Variants in WDR46 observed in about 807,000 individuals in gnomAD.
WDR46 encodes the protein WD repeat-containing protein 46.
WDR46 carries 58 observed loss-of-function variants against 74.7 expected under a neutral mutation model. The observed-to-expected ratio is 0.78, with a 90% CI of 0.63 to 0.97. The LOEUF (loss-of-function observed/expected upper bound fraction) is 0.97. Ranked by LOEUF, WDR46 falls within the 50% of genes least tolerant of loss-of-function variation. The probability of loss-of-function intolerance (pLI) is 0.00; values close to 1 mark genes in which losing one functional copy is unlikely to be tolerated. For missense variants in WDR46, 702 were observed against 790.1 expected (o/e 0.89, Z 1.34); for synonymous variants, 278 against 297.3 (o/e 0.93, Z 0.67).
intron 13 of WDR46, 71 bp from the exon 14 acceptor site, chr6:33,279,681 G>A (rs1267201648): frequency 6.2e-7 from 1 of 1,611,896 alleles, no homozygotes; most frequent in Non-Finnish European, 8.5e-7. Flanking sequence ...CCACCTGCTG[G>A]CCGCACTTCT....
At chr6:33,285,350 G>A (rs1435693998) in intron 10 of WDR46, among the ~76,000 whole-genome samples, 2 of 151,854 alleles carry the variant, frequency 1.3e-5, no homozygotes, top group East Asian at 3.9e-4. Context: ...CTACAGGCAT[G>A]CACCACCACA....
In WDR46 at chr6:33,280,967, A is replaced by G; in HGVS notation, c.1136T>C (p.Leu379Pro). 1 of 1,608,968 alleles carries G rather than the reference A, an allele frequency of 6.2e-7. No homozygotes were observed. The highest frequency in any genetic ancestry group is 1.1e-5 in the South Asian group (1 of 90,744). The change falls in exon 11 of 15, where the codon CTA becomes CCA. Residue 379 changes from leucine to proline, a missense_variant. Physicochemically the swap from Leu to Pro is moderately conservative, Grantham distance 98. Transcript: ENST00000374617. ...STGTYMATSG[L>P]DHQLKIFDLR... ...GTCAAAGATCTTCAGCTGGTGGTCT[A>G]GGCCAGAGGTGGCCATGTACCTGGT...
At chr6:33,283,540 C>A (rs1441982210) in intron 10 of WDR46, among the ~76,000 whole-genome samples, 1 of 152,140 alleles carries the variant, frequency 6.6e-6, no homozygotes, top group Non-Finnish European at 1.5e-5. Flanking sequence ...CTTTAGGAGG[C>A]GGTGACCTAT....
At position 33,287,098 on chromosome 6, in the gene WDR46, G is replaced by A. The variant is rs529857192; in HGVS notation, c.1008C>T (p.His336=). 1 of 1,613,802 alleles carries A rather than the reference G, an allele frequency of 6.2e-7. No individual in the cohort carries two copies. Among genetic ancestry groups the A allele is most frequent in the African/African-American group, 1.3e-5 (1 of 75,006 alleles). ...NPYNAVIHLG[H]SNGTVSLWSP... is the part of the protein sequence containing the mutation. ...ACTAAGCCAGGTACTGACCATTGCTGTGTCCGAGATGGATGACGGCATTGT... is the reference window on the plus strand; with the variant it reads ...ACTAAGCCAGGTACTGACCATTGCTATGTCCGAGATGGATGACGGCATTGT... Residue 336 remains histidine (H), a synonymous_variant, in exon 9 of 15, where the codon CAC becomes CAT. Transcript: ENST00000374617.
Position 33,287,987 on chromosome 6 carries a change from G to A in WDR46, c.601C>T (p.Leu201=). The change falls in exon 6 of 15, where the codon CTA becomes TTA. Residue 201 remains leucine (L), a synonymous_variant. Coordinates refer to ENST00000374617, the MANE Select transcript of WDR46 (RefSeq NM_005452.6). ...TACCTTCCAGTTCGAGAGTAGTTTA[G>A]TCTGTAGGGTCCAAACTGCCGCAGA... ...LNLRQFGPYR[L]NYSRTGRHLA... is the part of the protein sequence containing the mutation. 1 of 1,614,186 alleles carries A rather than the reference G, an allele frequency of 6.2e-7. No individual in the cohort carries two copies. Among genetic ancestry groups the A allele is most frequent in the Non-Finnish European group, 8.5e-7 (1 of 1,180,038 alleles).
chr6:33,283,006 C>G (rs1766314543), intron 10 of WDR46, among the ~76,000 whole-genome samples: 1 of 152,172 alleles, frequency 6.6e-6, no homozygotes, highest in Non-Finnish European at 1.5e-5. Context: ...GTCAGGAGTT[C>G]AAGACCAGCC....
intron 10 of WDR46, 67 bp downstream of exon 10, chr6:33,286,728 G>A: frequency 1.3e-6 from 2 of 1,492,982 alleles, no homozygotes; most frequent in Non-Finnish European, 9.3e-7. Context: ...TGCTCCTAAA[G>A]CACACTGCCT....
chr6:33,287,609 C>T lies in WDR46; in HGVS notation c.728+5G>A. On this transcript the variant is annotated splice_donor_5th_base_variant and intron_variant, in intron 7 of 14. Transcript: ENST00000374617. The stretch of plus-strand genomic sequence containing the variant: ...CAACTGACCGCTGACAGTGAGGCCA[C>T]TGACCGGATGTCCCGCACCGCCTCC... 24 of 1,613,992 alleles carry T rather than the reference C, an allele frequency of 1.5e-5. No individual in the cohort carries two copies. Among genetic ancestry groups the T allele is most frequent in the Non-Finnish European group, 2.0e-5 (24 of 1,180,018 alleles).
chr6:33,287,171 G>A lies in WDR46; in HGVS notation c.935C>T (p.Ala312Val). The change falls in exon 9 of 15, where the codon GCT (alanine) becomes GTT (valine). Residue 312 changes from alanine (A) to valine (V), a missense_variant. By Grantham distance (64) the Ala-to-Val change is moderately conservative. Coordinates refer to ENST00000374617, the MANE Select transcript of WDR46 (RefSeq NM_005452.6). ...LDVSVGKIVAALNARAGRLDV... is the reference protein window; with the variant it reads ...LDVSVGKIVAVLNARAGRLDV... ...GAGCCGCCCAGCTCGAGCATTCAGA[G>A]CTGCCACAATCTTCCCCACTGACAC... 6.2e-7 allele frequency: 1 copy of A among 1,613,850 alleles called. No individual in the cohort carries two copies. The highest frequency in any genetic ancestry group is 8.5e-7 in the Non-Finnish European group (1 of 1,179,994).
chr6:33,287,024 A>G (rs374221252), intron 9 of WDR46, 67 bp downstream of exon 9: 196 of 1,592,146 alleles, frequency 1.2e-4, no homozygotes, highest in Non-Finnish European at 1.6e-4. Context: ...TAAGGGACTC[A>G]TGAAGTACAA....
chr6:33,287,184 T>C lies in WDR46; in HGVS notation c.922A>G (p.Lys308Glu), dbSNP rs369368650. The C allele has an allele frequency of 1.9e-6, 3 of 1,613,566 alleles. No homozygotes were observed. Among genetic ancestry groups the C allele is most frequent in the Non-Finnish European group, 2.5e-6 (3 of 1,179,938 alleles). ...CGAGCATTCAGAGCTGCCACAATCT[T>C]CCCCACTGACACATCCAGGTAGGTT... ...FLTYLDVSVGKIVAALNARAG... is the reference protein window; with the variant it reads ...FLTYLDVSVGEIVAALNARAG... Residue 308 changes from lysine to glutamate, a missense_variant, in exon 9 of 15, where the codon AAG becomes GAG. Coordinates refer to ENST00000374617, the MANE Select transcript of WDR46 (RefSeq NM_005452.6).
Position 33,289,198 on chromosome 6 carries a change from G to A in WDR46, c.-28C>T, listed in dbSNP as rs779585846. 1 of 1,601,610 alleles carries A rather than the reference G, an allele frequency of 6.2e-7. No homozygotes were observed. Among genetic ancestry groups the A allele is most frequent in the South Asian group, 1.1e-5 (1 of 90,074 alleles). On this transcript the variant is annotated 5_prime_UTR_variant, in exon 1 of 15. Coordinates refer to ENST00000374617, the MANE Select transcript of WDR46 (RefSeq NM_005452.6). ...CGCCCACCCGAACGGCGATCCACGTGCAAAACTCCTCTCAGCTGCCACACA... is the reference window on the plus strand; with the variant it reads ...CGCCCACCCGAACGGCGATCCACGTACAAAACTCCTCTCAGCTGCCACACA...
Position 33,287,096 on chromosome 6 carries a change from C to T in WDR46, c.1010G>A (p.Ser337Asn). The change falls in exon 9 of 15, where the codon AGC becomes AAC. Residue 337 changes from serine to asparagine, a missense_variant. Coordinates refer to ENST00000374617, the MANE Select transcript of WDR46 (RefSeq NM_005452.6). ...AAACTAAGCCAGGTACTGACCATTG[C>T]TGTGTCCGAGATGGATGACGGCATT... ...PYNAVIHLGH[S>N]NGTVSLWSPA... The T allele has an allele frequency of 6.2e-7, 1 of 1,613,608 alleles. No homozygotes were observed. The highest frequency in any genetic ancestry group is 1.1e-5 in the South Asian group (1 of 91,006).
intron 10 of WDR46, among the ~76,000 whole-genome samples, chr6:33,286,513 T>G (rs1174165986): frequency 6.6e-6 from 1 of 152,170 alleles, no homozygotes; most frequent in Non-Finnish European, 1.5e-5. Flanking sequence ...CCCTTTGATT[T>G]TACCTCTTAT....
Position 33,288,902 on chromosome 6 carries a change from C to G in WDR46, c.181G>C (p.Ala61Pro). ...ATCCGAGACTTCTTTAAGATGTAAG[C>G]ATTTTTTGGTCTCTGAGGACGGAGC... ...RELRPQRPKNAYILKKSRISK... is the reference protein window; with the variant it reads ...RELRPQRPKNPYILKKSRISK... The change falls in exon 2 of 15, where the codon GCT becomes CCT. Residue 61 changes from alanine to proline, a missense_variant. By Grantham distance (27) the Ala-to-Pro change is conservative. Transcript: ENST00000374617. The G allele has an allele frequency of 2.5e-6, 4 of 1,614,126 alleles. No individual in the cohort carries two copies. The South Asian group carries it at 4.4e-5, about 18-fold the overall frequency.
At chr6:33,284,854 T>C (rs751391877) in intron 10 of WDR46, 4 of 153,462 alleles carry the variant, frequency 2.6e-5, no homozygotes, top group Non-Finnish European at 5.9e-5. Flanking sequence ...TACTTAATAC[T>C]GTGGCTGCTT....
At chr6:33,286,957 G>A (rs772814628) in intron 9 of WDR46, 63 bp from the exon 10 acceptor site, 2 of 1,597,748 alleles carry the variant, frequency 1.3e-6, no homozygotes, top group Non-Finnish European at 1.7e-6. Flanking sequence ...CTAAACATGG[G>A]AAAGATGGGA....
At chr6:33,280,551 C>T (rs370932894) in intron 11 of WDR46, 29 bp from the exon 12 acceptor site, 3 of 1,599,086 alleles carry the variant, frequency 1.9e-6, no homozygotes, top group Admixed American at 1.7e-5. Context: ...AAGCATGGAG[C>T]CATAAGGAAG....
chr6:33,279,336 C>G lies in WDR46; in HGVS notation c.1773G>C (p.Lys591Asn). The change falls in exon 15 of 15, where the codon AAG becomes AAC. Residue 591 changes from lysine to asparagine, a missense_variant. Physicochemically the swap from Lys to Asn is moderately conservative, Grantham distance 94. Transcript: ENST00000374617. Reference protein sequence around the residue: ...VRQSLQQQHHKEAKAKPTGAR... With the variant: ...VRQSLQQQHHNEAKAKPTGAR... ...CCCCCGTGGGCTTGGCCTTCGCCTCCTTATGATGCTGCTGCTGAAGGCTCT... is the reference window on the plus strand; with the variant it reads ...CCCCCGTGGGCTTGGCCTTCGCCTCGTTATGATGCTGCTGCTGAAGGCTCT... 6.2e-7 allele frequency: 1 copy of G among 1,614,222 alleles called. No individual in the cohort carries two copies. Among genetic ancestry groups the G allele is most frequent in the Non-Finnish European group, 8.5e-7 (1 of 1,180,050 alleles).
Sources: gnomAD v4.1 joint callset for allele counts (sites outside exome capture counted in the v4.1 genomes callset) on GRCh38, gnomAD v4.1.1 for gene constraint, MANE v1.5 for transcripts, NCBI Gene and HGNC (gene_info 2026-07-23, HGNC 2026-07-21) for gene names.